SETX: variants seen among roughly 807,000 people sequenced by gnomAD.
SETX encodes senataxin.
A neutral mutation model predicts 227.2 loss-of-function variants in SETX; 90 were observed. That is an observed-to-expected ratio of 0.40 (90% confidence interval 0.33 to 0.47). The LOEUF (loss-of-function observed/expected upper bound fraction) is 0.47. Among genes scored for constraint, SETX ranks in the 20% least tolerant of loss-of-function variants. The probability of loss-of-function intolerance (pLI) is 0.91; values close to 1 mark genes in which losing one functional copy is unlikely to be tolerated. For missense variants in SETX, 3,052 were observed against 3,181.5 expected (o/e 0.96, Z 0.98); for synonymous variants, 1,210 against 1,113.2 (o/e 1.09, Z -1.73).
chr9:132,349,497 A>G, intron 2 of SETX, 62 bp from the exon 3 acceptor site: 3 of 1,518,922 alleles, frequency 2.0e-6, no homozygotes, highest in Non-Finnish European at 2.7e-6. Context: ...TGTGTCAAGA[A>G]TAGGTACACT....
rs552323420 is a variant in SETX at position 132,298,883 on chromosome 9, G to A, written c.5549-571C>T. Among the ~76,000 whole-genome samples, 3 of 152,240 alleles carry A rather than the reference G, an allele frequency of 2.0e-5. No individual in the cohort carries two copies. In the South Asian group the frequency reaches 6.2e-4, roughly 32 times the overall value. The stretch of plus-strand genomic sequence containing the variant: ...TGACTCTGAACGCTATTCAGGATCA[G>A]GGTAGAAAACCATTGGGCACTCTGT... On this transcript the variant is annotated intron_variant, in intron 12 of 25. Coordinates refer to ENST00000224140, the MANE Select transcript of SETX (RefSeq NM_015046.7).
chr9:132,303,154 A>T (rs1432705425), intron 11 of SETX, among the ~76,000 whole-genome samples: 1 of 151,072 alleles, frequency 6.6e-6, no homozygotes, highest in Non-Finnish European at 1.5e-5. Flanking sequence ...TGTCACTGGG[A>T]CTCTAGGTGT....
At chr9:132,335,770 G>A (rs1449764985) in intron 6 of SETX, among the ~76,000 whole-genome samples, 1 of 152,204 alleles carries the variant, frequency 6.6e-6, no homozygotes, top group Non-Finnish European at 1.5e-5. Flanking sequence ...ATTTGCCAGT[G>A]CTTGAAAATG....
At chr9:132,355,587 C>A (rs964390888), upstream of SETX, among the ~76,000 whole-genome samples, 1 of 152,220 alleles carries the variant, frequency 6.6e-6, no homozygotes, top group Middle Eastern at 3.2e-3. Context: ...CGCTTCTAAT[C>A]CCACCACTTT....
At chr9:132,283,828 T>C (rs759768811) in intron 18 of SETX, among the ~76,000 whole-genome samples, 7 of 152,198 alleles carry the variant, frequency 4.6e-5, no homozygotes, top group African/African-American at 9.7e-5. Context: ...TTTTTAAGTA[T>C]ATAATATTGC....
intron 1 of SETX, among the ~76,000 whole-genome samples, chr9:132,354,495 CAAAAAAA>C (rs11316762): frequency 3.5e-5 from 3 of 85,528 alleles, no homozygotes; most frequent in South Asian, 3.9e-4. Flanking sequence ...GACCCCGTCT[CAAAAAAA>C]AAAAAAAAAG....
intron 10 of SETX, among the ~76,000 whole-genome samples, chr9:132,316,843 G>A (rs754331426): frequency 5.3e-5 from 8 of 152,160 alleles, no homozygotes; most frequent in African/African-American, 9.7e-5. Flanking sequence ...AAACAGCTTC[G>A]TAGCAGATAA....
intron 17 of SETX, among the ~76,000 whole-genome samples, chr9:132,287,794 G>A (rs962055550): frequency 5.4e-5 from 8 of 147,502 alleles, no homozygotes; most frequent in Admixed American, 1.3e-4. Flanking sequence ...AAAGAAATGT[G>A]TTAATCTGAG....
intron 12 of SETX, among the ~76,000 whole-genome samples, chr9:132,300,317 T>C (rs1035892788): frequency 6.6e-6 from 1 of 152,132 alleles, no homozygotes; most frequent in Non-Finnish European, 1.5e-5. Flanking sequence ...CATTAGTAAT[T>C]GGCCACAAAA....
At position 132,264,601 on chromosome 9, in the gene SETX, G is replaced by T; in HGVS notation, c.7672C>A (p.Pro2558Thr). ...GGATGCTGGGGGCTCGAGGGTTGTG[G>T]ATCCCAAAGGAATATTCCTCCTTTG... ...EVKGGIFLWD[P>T]QPSSPQHPGA... Residue 2558 changes from proline to threonine, a missense_variant, in exon 26 of 26, where the codon CCA becomes ACA. Transcript: ENST00000224140. The T allele has an allele frequency of 1.2e-6, 2 of 1,614,200 alleles. No homozygotes were observed. Among genetic ancestry groups the T allele is most frequent in the African/African-American group, 1.3e-5 (1 of 75,030 alleles).
Position 132,329,651 on chromosome 9 carries a change from T to C in SETX, c.1947A>G (p.Pro649=), listed in dbSNP as rs766876019. ...TCAATACACTGTCTTGCACTTTCAT[T>C]GGTTCTTTAGAAAATGTTGGGCTGG... ...EASSPTFSKE[P]MKVQDSVLIK... The change falls in exon 10 of 26, where the codon CCA becomes CCG. Residue 649 remains proline (P), a synonymous_variant. Transcript: ENST00000224140. The C allele has an allele frequency of 1.2e-6, 2 of 1,613,786 alleles. No homozygotes were observed. Among genetic ancestry groups the C allele is most frequent in the South Asian group, 2.2e-5 (2 of 90,988 alleles).
At chr9:132,339,028 C>A (rs1847807234) in intron 5 of SETX, among the ~76,000 whole-genome samples, 1 of 152,174 alleles carries the variant, frequency 6.6e-6, no homozygotes, top group South Asian at 2.1e-4. Context: ...TTCCCAAAGG[C>A]CTGGGCTTTC....
At chr9:132,314,188 G>T (rs1283569421) in intron 10 of SETX, among the ~76,000 whole-genome samples, 1 of 152,178 alleles carries the variant, frequency 6.6e-6, no homozygotes, top group African/African-American at 2.4e-5. Context: ...CACCTCCCAG[G>T]TTCAAGTGAT....
At chr9:132,331,724 C>G (rs189017206) in intron 7 of SETX, among the ~76,000 whole-genome samples, 12 of 151,496 alleles carry the variant, frequency 7.9e-5, no homozygotes, top group Non-Finnish European at 1.5e-4. Context: ...GGCAAGAAAA[C>G]AGTCTAGGTA....
rs1304389397 is a variant in SETX, at chr9:132,304,749, G to A, written c.5375-3946C>T. ...GCAGTGGCTCGCGCCTGTAATTTAG[G>A]CACTTTGTGGGGCCAAGGCAGGAGG... On this transcript the variant is annotated intron_variant, in intron 11 of 25. Coordinates refer to ENST00000224140, the MANE Select transcript of SETX (RefSeq NM_015046.7). Among the ~76,000 whole-genome samples the A allele has an allele frequency of 1.9e-4, 28 of 149,862 alleles. 1 individual carries two copies. Among genetic ancestry groups the A allele is most frequent in the Admixed American group, 1.8e-3 (27 of 15,068 alleles).
chr9:132,317,921 C>T (rs1846086418), intron 10 of SETX, among the ~76,000 whole-genome samples: 1 of 151,948 alleles, frequency 6.6e-6, no homozygotes, highest in Non-Finnish European at 1.5e-5. Flanking sequence ...GCATTAAAAG[C>T]CCTCTCAATC....
Position 132,296,881 on chromosome 9 carries a change from A to T in SETX, c.5949+6T>A. The T allele has an allele frequency of 2.5e-6, 4 of 1,613,920 alleles. No homozygotes were observed. Among genetic ancestry groups the T allele is most frequent in the Non-Finnish European group, 3.4e-6 (4 of 1,179,894 alleles). On this transcript the variant is annotated splice_donor_region_variant and intron_variant, in intron 14 of 25. Transcript: ENST00000224140. The stretch of plus-strand genomic sequence containing the variant: ...TAACAGCATCAGTGCCCTCACCCAT[A>T]CCTACCTCTGTCAGTAGACGATAGA...
chr9:132,309,117 G>A (rs184439937), intron 11 of SETX, among the ~76,000 whole-genome samples: 88 of 152,238 alleles, frequency 5.8e-4, no homozygotes, highest in African/African-American at 2.1e-3. Context: ...CAGTCTGGGC[G>A]ACAGAGCAAG....
At chr9:132,323,239 T>C (rs533282350) in intron 10 of SETX, among the ~76,000 whole-genome samples, 2 of 152,266 alleles carry the variant, frequency 1.3e-5, no homozygotes, top group South Asian at 2.1e-4. Context: ...AACAAATTTA[T>C]AGATTAACTA....
Sources: gnomAD v4.1 joint callset for allele counts (sites outside exome capture counted in the v4.1 genomes callset) on GRCh38, gnomAD v4.1.1 for gene constraint, MANE v1.5 for transcripts, NCBI Gene and HGNC (gene_info 2026-07-23, HGNC 2026-07-21) for gene names.